The following HSF5 variants were observed in gnomAD, a reference collection of about 807,000 sequenced individuals.
The protein encoded by HSF5 is heat shock factor protein 5.
A neutral mutation model predicts 50.8 loss-of-function variants in HSF5; 5 were observed. The ratio of observed to expected loss-of-function variants is 0.10; its 90% CI spans 0.05 to 0.21. The LOEUF (loss-of-function observed/expected upper bound fraction) is 0.21. HSF5 is among the 10% of genes least tolerant of loss of function. The pLI, the probability that HSF5 is intolerant of heterozygous loss-of-function variation, is 1.00. For missense variants in HSF5, 564 were observed against 762.6 expected, an observed-to-expected ratio of 0.74 and a Z score of 3.07; for synonymous variants, 307 against 307.4, an observed-to-expected ratio of 1.00 and a Z score of 0.02.
Position 58,487,706 on chromosome 17 carries a change from A to T in HSF5, c.550+19T>A. The T allele has an allele frequency of 7.2e-7, 1 of 1,379,922 alleles. No individual in the cohort carries two copies. Among genetic ancestry groups the T allele is most frequent in the South Asian group, 1.9e-5 (1 of 53,868 alleles). 85.5% of individuals were successfully genotyped at this position (1,379,922 alleles called of 1,614,324 possible). On this transcript the variant is annotated intron_variant, in intron 1 of 5. Coordinates refer to ENST00000323777, the MANE Select transcript of HSF5 (RefSeq NM_001080439.3). ...CCATGTGCCCACTGTGGGCGAGGGC[A>T]CGGGCAGTCCGGACTCACCGTGCGG...
chr17:58,478,887 A>C (rs1975061971), intron 2 of HSF5, among the ~76,000 whole-genome samples: 1 of 150,716 alleles, frequency 6.6e-6, no homozygotes, highest in Non-Finnish European at 1.5e-5. Flanking sequence ...AAAAAAGAGA[A>C]GAAAAGAAAA....
intron 1 of HSF5, among the ~76,000 whole-genome samples, chr17:58,482,458 T>C (rs1975111086): frequency 6.6e-6 from 1 of 151,750 alleles, no homozygotes; most frequent in South Asian, 2.1e-4. Context: ...CTTGTAACAC[T>C]AGCATTTTGG....
chr17:58,481,373 G>A (rs1291551509), intron 1 of HSF5, among the ~76,000 whole-genome samples: 2 of 152,134 alleles, frequency 1.3e-5, no homozygotes, highest in Non-Finnish European at 2.9e-5. Flanking sequence ...GTGGAGATAA[G>A]GAAGAGAGAG....
intron 2 of HSF5, among the ~76,000 whole-genome samples, chr17:58,478,183 C>G (rs1377019209): frequency 6.6e-6 from 1 of 151,762 alleles, no homozygotes; most frequent in Admixed American, 6.6e-5. Flanking sequence ...CCTGTAATCC[C>G]AGCACTTTGG....
intron 5 of HSF5, among the ~76,000 whole-genome samples, chr17:58,437,797 T>C (rs1974445381): frequency 6.6e-6 from 1 of 152,210 alleles, no homozygotes; most frequent in African/African-American, 2.4e-5. Context: ...GTAGATGTCA[T>C]AATGTATCTG....
intron 5 of HSF5, among the ~76,000 whole-genome samples, chr17:58,456,452 G>A (rs1279331794): frequency 6.6e-6 from 1 of 152,128 alleles, no homozygotes; most frequent in Non-Finnish European, 1.5e-5. Flanking sequence ...GTCAAAAGTT[G>A]TAGTTAGATA....
At chr17:58,436,539 A>G (rs371006550) in intron 5 of HSF5, among the ~76,000 whole-genome samples, 31 of 149,508 alleles carry the variant, frequency 2.1e-4, no homozygotes, top group African/African-American at 5.6e-4. Flanking sequence ...CTTTACTTAG[A>G]AAAAAAAAAC....
intron 5 of HSF5, among the ~76,000 whole-genome samples, chr17:58,440,592 G>T (rs939218375): frequency 6.6e-6 from 1 of 152,156 alleles, no homozygotes; most frequent in African/African-American, 2.4e-5. Flanking sequence ...ACATGAGGGA[G>T]TAGCCACTGT....
chr17:58,459,446 G>A (rs929364079), intron 4 of HSF5, among the ~76,000 whole-genome samples: 4 of 151,996 alleles, frequency 2.6e-5, no homozygotes, highest in African/African-American at 4.8e-5. Context: ...AGGAGTTCTC[G>A]ACCAGCCTGG....
intron 2 of HSF5, among the ~76,000 whole-genome samples, chr17:58,478,475 C>CAAAAAAAAAA (rs1189444544): frequency 3.5e-5 from 2 of 57,832 alleles, no homozygotes; most frequent in Non-Finnish European, 7.2e-5. Context: ...GACTCCATCT[C>CAAAAAAAAAA]AAAAAAAAAA....
chr17:58,474,984 T>TA (rs869087531), intron 2 of HSF5, among the ~76,000 whole-genome samples: 5 of 152,114 alleles, frequency 3.3e-5, no homozygotes, highest in Admixed American at 6.5e-5. Context: ...TGTAACATGG[T>TA]AAAAAAAATT....
In HSF5 at chr17:58,462,808, C is replaced by T. The variant is rs747621729; in HGVS notation, c.1516G>A (p.Glu506Lys). 1.2e-6 allele frequency: 2 copies of T among 1,610,338 alleles called. No homozygotes were observed. Among genetic ancestry groups the T allele is most frequent in the South Asian group, 1.1e-5 (1 of 90,322 alleles). Residue 506 changes from glutamate to lysine, a missense_variant, in exon 4 of 6, where the codon GAA becomes AAA. Physicochemically the swap from Glu to Lys is moderately conservative, Grantham distance 56. Around this residue, in one of 5 missense-constraint regions of HSF5, gnomAD observed 441 missense variants for 533.6 expected, o/e 0.83. Coordinates refer to ENST00000323777, the MANE Select transcript of HSF5 (RefSeq NM_001080439.3). Reference protein sequence around the residue: ...PSPSSVVFVQEGPPFSTHQVD... With the variant: ...PSPSSVVFVQKGPPFSTHQVD... Reference sequence around the variant, plus strand: ...TGGTGTGTGCTGAATGGTGGCCCTTCCTGCACAAATACTACTGAAGATGGA... The same window carrying T: ...TGGTGTGTGCTGAATGGTGGCCCTTTCTGCACAAATACTACTGAAGATGGA...
chr17:58,420,538 T>A lies in HSF5; in HGVS notation c.*1822A>T, dbSNP rs1452780859. 6.6e-6 allele frequency: 1 copy of A among 152,166 alleles called. No individual in the cohort carries two copies. Among genetic ancestry groups the A allele is most frequent in the African/African-American group, 2.4e-5 (1 of 41,448 alleles). 9.4% of individuals were successfully genotyped at this position (152,166 alleles called of 1,614,324 possible). On this transcript the variant is annotated 3_prime_UTR_variant, in exon 6 of 6. Transcript: ENST00000323777. ...TTCCTCAAAAGATATTATCTCAACA[T>A]CTATAAAGCTAAGAAAGCCATATTT...
Position 58,480,382 on chromosome 17 carries a change from G to C in HSF5, c.551-115C>G. 5.1e-6 allele frequency: 5 copies of C among 975,304 alleles called. No homozygotes were observed. In the South Asian group the frequency reaches 8.9e-5, roughly 17 times the overall value. The allele number at this position is 975,304 out of a possible 1,614,324, so 60.4% of individuals were successfully genotyped here. A position where few individuals can be genotyped will look rare whatever the true frequency, so the allele number is the denominator to read the frequency against. ...CCTATCAGCCATTTTTAACACAACA[G>C]AAGTTTAGGTTTGGTAAAAACAAGT... On this transcript the variant is annotated intron_variant, in intron 1 of 5. Coordinates refer to ENST00000323777, the MANE Select transcript of HSF5 (RefSeq NM_001080439.3).
intron 3 of HSF5, among the ~76,000 whole-genome samples, chr17:58,464,695 C>T (rs925235810): frequency 3.3e-5 from 5 of 152,182 alleles, no homozygotes; most frequent in African/African-American, 7.2e-5. Context: ...TGCGATGGCA[C>T]GATCTTGGCT....
At chr17:58,476,560 T>C (rs1305443754) in intron 2 of HSF5, 2 of 1,472,246 alleles carry the variant, frequency 1.4e-6, no homozygotes, top group African/African-American at 2.8e-5. Flanking sequence ...GTAAGGATTT[T>C]GATCAAAATA....
At chr17:58,430,931 CA>C (rs1974356747) in intron 5 of HSF5, among the ~76,000 whole-genome samples, 1 of 152,306 alleles carries the variant, frequency 6.6e-6, no homozygotes, top group Non-Finnish European at 1.5e-5. Flanking sequence ...TAGCCTACTA[CA>C]TACTGATATA....
rs1386004096 is a variant in HSF5, at chr17:58,463,321, A to G, written c.1021-18T>C. 7.5e-6 allele frequency: 12 copies of G among 1,592,904 alleles called. No individual in the cohort carries two copies. Among genetic ancestry groups the G allele is most frequent in the Middle Eastern group, 1.8e-4 (1 of 5,668 alleles). Reference sequence around the variant, plus strand: ...GAAGGATTCTGGGAAAAGAAAAAATATAACTGTTTGGATAGAAAATAAAAT... The same window carrying G: ...GAAGGATTCTGGGAAAAGAAAAAATGTAACTGTTTGGATAGAAAATAAAAT... On this transcript the variant is annotated intron_variant, in intron 3 of 5. Transcript: ENST00000323777.
At chr17:58,483,411 G>A (rs1241889151) in intron 1 of HSF5, among the ~76,000 whole-genome samples, 11 of 151,882 alleles carry the variant, frequency 7.2e-5, no homozygotes. Flanking sequence ...TTCTGTTAAG[G>A]GTTACTTCAT....
Sources: gnomAD v4.1 joint callset for allele counts (sites outside exome capture counted in the v4.1 genomes callset) on GRCh38, gnomAD v4.1.1 for gene constraint, gnomAD v4.1.1 regional missense constraint, MANE v1.5 for transcripts, NCBI Gene and HGNC (gene_info 2026-07-23, HGNC 2026-07-21) for gene names.